The following PIK3R1 variants were observed in gnomAD, a reference collection of about 807,000 sequenced individuals.
PIK3R1 encodes the protein phosphatidylinositol 3-kinase regulatory subunit alpha.
A neutral mutation model predicts 98.0 loss-of-function variants in PIK3R1; 29 were observed. The observed-to-expected ratio is 0.30, with a 90% CI of 0.22 to 0.40. PIK3R1 has a LOEUF of 0.40. Ranked by LOEUF, PIK3R1 falls within the 10% of genes least tolerant of loss-of-function variation. PIK3R1 has a pLI of 1.00. For synonymous variants in PIK3R1, 282 were observed against 311.8 expected (o/e 0.90, Z 1.01); for missense variants, 596 against 872.7 (o/e 0.68, Z 3.99).
intron 14 of PIK3R1, 35 bp downstream of exon 14, chr5:68,295,523 T>A: frequency 6.4e-7 from 1 of 1,572,320 alleles, no homozygotes; most frequent in Non-Finnish European, 8.8e-7. Flanking sequence ...TAGCAGAAGA[T>A]TTTTCTCATT....
At position 68,295,145 on chromosome 5, in the gene PIK3R1, C is replaced by T. The variant is rs1747637758; in HGVS notation, c.1569-3C>T. The T allele has an allele frequency of 6.2e-7, 1 of 1,611,850 alleles. No homozygotes were observed. ...ATAACAAATACGTTTCTTTTGCCTG[C>T]AGGATTATGCATAATTATGATAAGT... On this transcript the variant is annotated splice_region_variant and splice_polypyrimidine_tract_variant and intron_variant, in intron 12 of 15. Coordinates refer to ENST00000521381, the MANE Select transcript of PIK3R1 (RefSeq NM_181523.3).
intron 4 of PIK3R1, among the ~76,000 whole-genome samples, chr5:68,278,949 C>G (rs755412271): frequency 2.6e-5 from 4 of 152,204 alleles, no homozygotes; most frequent in South Asian, 2.1e-4. Context: ...TCTCAAAAAG[C>G]AGAAACTTAC....
intron 14 of PIK3R1, 150 bp downstream of exon 14, chr5:68,295,638 G>A: frequency 3.0e-6 from 2 of 674,374 alleles, no homozygotes; most frequent in Admixed American, 2.7e-5. Flanking sequence ...CCATTATCCA[G>A]AATTTTAAAA....
intron 2 of PIK3R1, among the ~76,000 whole-genome samples, chr5:68,236,045 A>G (rs1448435897): frequency 6.7e-6 from 1 of 148,480 alleles, no homozygotes; most frequent in Non-Finnish European, 1.5e-5. Flanking sequence ...TAATTTTTGT[A>G]TTTTTAGTAG....
At chr5:68,265,165 C>G (rs1746072430) in intron 2 of PIK3R1, among the ~76,000 whole-genome samples, 1 of 152,174 alleles carries the variant, frequency 6.6e-6, no homozygotes, top group African/African-American at 2.4e-5. Context: ...GAATCCCAGA[C>G]TGCACCCCGA....
rs1345569400 is a variant in PIK3R1 at position 68,262,927 on chromosome 5, GTATACATA to G, written c.335-10455_335-10448del. On this transcript the variant is annotated intron_variant, in intron 2 of 15. Coordinates refer to ENST00000521381, the MANE Select transcript of PIK3R1 (RefSeq NM_181523.3). Reference sequence around the variant, plus strand: ...TACATGTAGATACATGTAGATACATGTATACATATATACATGTAGATACATGTAGATAC... The same window carrying G: ...TACATGTAGATACATGTAGATACATGTATACATGTAGATACATGTAGATAC... Among the ~76,000 whole-genome samples, 120 of 70,956 alleles carry G rather than the reference GTATACATA, an allele frequency of 1.7e-3. 30 individuals are homozygous for G. Among genetic ancestry groups the G allele is most frequent in the African/African-American group, 2.6e-3 (43 of 16,832 alleles). The allele number at this position is 70,956 out of a possible 152,430, so 46.5% of individuals were successfully genotyped here.
At chr5:68,220,074 G>A (rs903997435) in intron 1 of PIK3R1, among the ~76,000 whole-genome samples, 6 of 152,218 alleles carry the variant, frequency 3.9e-5, no homozygotes, top group South Asian at 4.1e-4. Context: ...AGTATGGAGC[G>A]AAGTGCTTTA....
At chr5:68,227,528 C>G (rs1201349113) in intron 2 of PIK3R1, among the ~76,000 whole-genome samples, 1 of 152,088 alleles carries the variant, frequency 6.6e-6, no homozygotes, top group Non-Finnish European at 1.5e-5. Flanking sequence ...GAATACTCAA[C>G]CTGTGTATAT....
At chr5:68,253,158 G>T (rs1561272502) in intron 2 of PIK3R1, among the ~76,000 whole-genome samples, 1 of 152,142 alleles carries the variant, frequency 6.6e-6, no homozygotes, top group South Asian at 2.1e-4. Flanking sequence ...CTTAGCTAAA[G>T]AATTAATGCA....
intron 12 of PIK3R1, 79 bp downstream of exon 12, chr5:68,294,757 C>A: frequency 5.3e-6 from 5 of 951,628 alleles, no homozygotes; most frequent in South Asian, 2.0e-5. Flanking sequence ...GCTTTCTGTG[C>A]TTTGAATGAT....
intron 2 of PIK3R1, among the ~76,000 whole-genome samples, chr5:68,268,164 A>G (rs1746200199): frequency 6.6e-6 from 1 of 152,206 alleles, no homozygotes; most frequent in African/African-American, 2.4e-5. Flanking sequence ...ATTCAAGTTA[A>G]CTAACTTGCC....
intron 2 of PIK3R1, among the ~76,000 whole-genome samples, chr5:68,245,874 C>T (rs1745065157): frequency 6.6e-6 from 1 of 152,058 alleles, no homozygotes; most frequent in Non-Finnish European, 1.5e-5. Flanking sequence ...TGAGGCTGTC[C>T]AAAGAAGAAA....
chr5:68,234,947 G>T (rs762755896), intron 2 of PIK3R1, among the ~76,000 whole-genome samples: 14 of 152,112 alleles, frequency 9.2e-5, no homozygotes, highest in Non-Finnish European at 1.6e-4. Context: ...GCCACAGCAA[G>T]CACTGGTTCT....
chr5:68,281,608 G>A (rs1291105560), intron 7 of PIK3R1, among the ~76,000 whole-genome samples: 3 of 152,140 alleles, frequency 2.0e-5, no homozygotes, highest in Non-Finnish European at 2.9e-5. Context: ...TTCTTCTACC[G>A]TGGAAAGTCT....
intron 6 of PIK3R1, 27 bp from the exon 7 acceptor site, chr5:68,280,900 G>A (rs748750162): frequency 1.1e-5 from 16 of 1,492,220 alleles, no homozygotes; most frequent in African/African-American, 2.8e-5. Flanking sequence ...TAGGGAAAAG[G>A]TTTCTAATAA....
intron 2 of PIK3R1, among the ~76,000 whole-genome samples, chr5:68,236,405 A>T (rs1242712485): frequency 6.6e-6 from 1 of 150,780 alleles, no homozygotes; most frequent in Admixed American, 6.6e-5. Flanking sequence ...ACCTGCCACC[A>T]CGCCCGTCTA....
intron 4 of PIK3R1, among the ~76,000 whole-genome samples, chr5:68,277,138 C>T (rs74811554): frequency 0.012 from 1,899 of 152,232 alleles, 40 homozygotes; most frequent in African/African-American, 0.043. Context: ...TAAGCAAATT[C>T]GGTAATATTA....
rs70987198 is a variant in PIK3R1 at position 68,244,527 on chromosome 5, C to CCCA, written c.334+17520_334+17521insACC. Among the ~76,000 whole-genome samples the CCCA allele has an allele frequency of 4.6e-5, 2 of 43,022 alleles. 1 individual carries two copies. The allele number at this position is 43,022 out of a possible 152,430, so 28.2% of individuals were successfully genotyped here. A position where few individuals can be genotyped will look rare whatever the true frequency, so the allele number is the denominator to read the frequency against. On this transcript the variant is annotated intron_variant, in intron 2 of 15. Transcript: ENST00000521381. Reference sequence around the variant, plus strand: ...TTTCTCTAGGACCGCCCCCCCGCCCCCCGCCGCCGCTTCAGAGAGCTTTTC... The same window carrying CCCA: ...TTTCTCTAGGACCGCCCCCCCGCCCCCCACCGCCGCCGCTTCAGAGAGCTTTTC...
intron 2 of PIK3R1, among the ~76,000 whole-genome samples, chr5:68,254,836 C>CT (rs66853734): frequency 4.9e-4 from 73 of 148,542 alleles, no homozygotes; most frequent in Middle Eastern, 3.4e-3. Context: ...TTCTTTTTTT[C>CT]TTTTTTTTTT....
Sources: allele counts gnomAD v4.1 joint callset (sites outside exome capture counted in the v4.1 genomes callset), GRCh38; gene constraint gnomAD v4.1.1; transcripts MANE v1.5; gene names NCBI Gene and HGNC (gene_info 2026-07-23, HGNC 2026-07-21).